The following PCDHGA2 variants were observed in gnomAD, a reference collection of about 807,000 sequenced individuals.
The protein encoded by PCDHGA2 is protocadherin gamma subfamily A, 2.
Under a neutral mutation model 59.2 loss-of-function variants are expected in PCDHGA2, and 40 were observed. That is an observed-to-expected ratio of 0.68 (90% CI 0.52 to 0.88). The LOEUF is 0.88. Ranked by LOEUF, PCDHGA2 falls within the 40% of genes least tolerant of loss-of-function variation. PCDHGA2 has a pLI of 0.00. For synonymous variants in PCDHGA2, 560 were observed against 526.0 expected (o/e 1.06, Z -0.89); for missense variants, 1,226 against 1,204.0 (o/e 1.02, Z -0.27).
chr5:141,450,948 C>T (rs1250110393), intron 1 of PCDHGA2, among the ~76,000 whole-genome samples: 2 of 151,870 alleles, frequency 1.3e-5, no homozygotes, highest in East Asian at 3.9e-4. Flanking sequence ...CCTCAGCCTC[C>T]CAAGTAGCTG....
intron 1 of PCDHGA2, chr5:141,345,887 G>A (rs749950943): frequency 2.5e-6 from 4 of 1,613,292 alleles, no homozygotes; most frequent in Admixed American, 3.3e-5. Context: ...GACTCTTCTC[G>A]GTGGGTCTGC....
At chr5:141,413,081 C>CAG in intron 1 of PCDHGA2, 1 of 1,339,426 alleles carries the variant, frequency 7.5e-7, no homozygotes, top group South Asian at 1.5e-5. Flanking sequence ...GCCCAGGCTA[C>CAG]AGAGACACCC....
Position 141,511,451 on chromosome 5 carries a change from A to G in PCDHGA2, c.*278A>G, listed in dbSNP as rs2099883797. On this transcript the variant is annotated 3_prime_UTR_variant, in exon 4 of 4. Coordinates refer to ENST00000394576, the MANE Select transcript of PCDHGA2 (RefSeq NM_018915.4). ...GGGGTTACTGTAGACACCAAGAACC[A>G]TTTGCCACACCCCGTTTAGTTACAG... is the stretch of plus-strand genomic sequence containing the variant. The G allele has an allele frequency of 4.9e-6, 3 of 606,372 alleles. No homozygotes were observed. Among genetic ancestry groups the G allele is most frequent in the Non-Finnish European group, 8.1e-6 (3 of 368,942 alleles). The allele number at this position is 606,372 out of a possible 1,614,324, so 37.6% of individuals were successfully genotyped here.
intron 1 of PCDHGA2, chr5:141,415,543 G>A (rs1561758242): frequency 6.2e-7 from 1 of 1,614,130 alleles, no homozygotes; most frequent in East Asian, 2.2e-5. Context: ...GGAGAGCTGT[G>A]AGAAAAACGA....
chr5:141,360,660 C>A lies in PCDHGA2; in HGVS notation c.2424+19265C>A, dbSNP rs530891991. On this transcript the variant is annotated intron_variant, in intron 1 of 3. Coordinates refer to ENST00000394576, the MANE Select transcript of PCDHGA2 (RefSeq NM_018915.4). Reference sequence around the variant, plus strand: ...TACAAAGATACCACCTTAATGACAACGAGTACTTTGATCTCGCTGAGAAAC... The same window carrying A: ...TACAAAGATACCACCTTAATGACAAAGAGTACTTTGATCTCGCTGAGAAAC... 1.2e-5 allele frequency: 19 copies of A among 1,613,968 alleles called. No individual in the cohort carries two copies. The African/African-American group carries it at 2.4e-4, about 20-fold the overall frequency.
chr5:141,431,068 A>G lies in PCDHGA2; in HGVS notation c.2425-63739A>G. 2 of 1,614,218 alleles carry G rather than the reference A, an allele frequency of 1.2e-6. No individual in the cohort carries two copies. Among genetic ancestry groups the G allele is most frequent in the South Asian group, 1.1e-5 (1 of 91,088 alleles). On this transcript the variant is annotated intron_variant, in intron 1 of 3. Coordinates refer to ENST00000394576, the MANE Select transcript of PCDHGA2 (RefSeq NM_018915.4). The surrounding 1 kb of genome is among the most constrained non-coding windows in gnomAD (Gnocchi z 4.8). ...TCTGTATGGGGGCCATCAAGTGTCA[A>G]TTAAATCTAGACATTCTGATGGAGG...
chr5:141,440,980 C>T (rs972732898), intron 1 of PCDHGA2: 1 of 152,242 alleles, frequency 6.6e-6, no homozygotes. Context: ...GCTTCACAAC[C>T]CAGAGTACCC....
chr5:141,418,107 A>C, intron 1 of PCDHGA2: 1 of 1,614,036 alleles, frequency 6.2e-7, no homozygotes, highest in Non-Finnish European at 8.5e-7. Flanking sequence ...CAGAGCGGGG[A>C]CTTACTTGTG....
At chr5:141,409,172 G>A in intron 1 of PCDHGA2, 8 of 1,614,006 alleles carry the variant, frequency 5.0e-6, no homozygotes, top group Non-Finnish European at 6.8e-6. Context: ...AGCGAAGGAC[G>A]GAGGTGGTCT....
intron 1 of PCDHGA2, among the ~76,000 whole-genome samples, chr5:141,492,893 C>T (rs936521362): frequency 2.0e-5 from 3 of 152,178 alleles, no homozygotes; most frequent in Admixed American, 6.5e-5. Flanking sequence ...AGGCTTTTGG[C>T]GCCGTCGTGA....
At chr5:141,350,074 A>G (rs1177686169) in intron 1 of PCDHGA2, 3 of 430,176 alleles carry the variant, frequency 7.0e-6, no homozygotes, top group South Asian at 1.0e-4. Flanking sequence ...AGGCTTCTCA[A>G]TTCTGCAGGA....
rs778819723 is a variant in PCDHGA2 at position 141,398,637 on chromosome 5, T to C, written c.2424+57242T>C. 1.9e-6 allele frequency: 3 copies of C among 1,613,908 alleles called. No homozygotes were observed. The African/African-American group carries it at 4.0e-5, about 22-fold the overall frequency. On this transcript the variant is annotated intron_variant, in intron 1 of 3. Transcript: ENST00000394576. ...TTGGCTTAAACTCTCTGCAGAAGTATAAACTCTCTCTTAACCCAAGTTTCT... is the reference window on the plus strand; with the variant it reads ...TTGGCTTAAACTCTCTGCAGAAGTACAAACTCTCTCTTAACCCAAGTTTCT...
At chr5:141,361,947 G>T in intron 1 of PCDHGA2, 1 of 1,604,064 alleles carries the variant, frequency 6.2e-7, no homozygotes, top group South Asian at 1.1e-5. Flanking sequence ...ACGCTTGGCT[G>T]TCCTACCACG....
In PCDHGA2 at chr5:141,340,654, G is replaced by T; in HGVS notation, c.1683G>T (p.Glu561Asp). ...TGGACCAGAACGACAACGCGCCCGA[G>T]ATCCTGTACCCTGCCTTCCCCACAG... ...FVLDQNDNAP[E>D]ILYPAFPTDG... Residue 561 changes from glutamate (E) to aspartate (D), a missense_variant, in exon 1 of 4, where the codon GAG becomes GAT. Glu to Asp is a conservative substitution (Grantham distance 45, BLOSUM62 2). Transcript: ENST00000394576. 6.2e-7 allele frequency: 1 copy of T among 1,614,246 alleles called. No homozygotes were observed. Among genetic ancestry groups the T allele is most frequent in the Non-Finnish European group, 8.5e-7 (1 of 1,180,048 alleles).
chr5:141,499,268 G>C (rs564234341), intron 2 of PCDHGA2, among the ~76,000 whole-genome samples: 1 of 152,224 alleles, frequency 6.6e-6, no homozygotes, highest in South Asian at 2.1e-4. Flanking sequence ...TTGGTCCCTA[G>C]ACTGTTCTCT....
At chr5:141,368,381 A>G (rs1377109845) in intron 1 of PCDHGA2, among the ~76,000 whole-genome samples, 2 of 152,154 alleles carry the variant, frequency 1.3e-5, no homozygotes, top group East Asian at 3.8e-4. Context: ...ATATACACAC[A>G]TACACACACA....
chr5:141,345,003 G>A, intron 1 of PCDHGA2: 1 of 1,613,918 alleles, frequency 6.2e-7, no homozygotes, highest in African/African-American at 1.3e-5. Flanking sequence ...AGCACAGGAT[G>A]GACCAGGTCT....
chr5:141,388,522 C>G, intron 1 of PCDHGA2: 1 of 1,613,868 alleles, frequency 6.2e-7, no homozygotes, highest in East Asian at 2.2e-5. Flanking sequence ...TTGACTTTGA[C>G]TGCCTTGGAC....
At chr5:141,375,623 C>G in intron 1 of PCDHGA2, 5 of 1,614,244 alleles carry the variant, frequency 3.1e-6, no homozygotes, top group Non-Finnish European at 3.4e-6. Flanking sequence ...CACTGGGATT[C>G]TGTACGCCCT....
Sources: gnomAD v4.1 joint callset for allele counts (sites outside exome capture counted in the v4.1 genomes callset) on GRCh38, gnomAD v4.1.1 for gene constraint, Gnocchi (gnomAD v3.1) non-coding constraint, MANE v1.5 for transcripts, NCBI Gene and HGNC (gene_info 2026-07-23, HGNC 2026-07-21) for gene names.